Variants in FBLN2 observed in about 807,000 individuals in gnomAD.
FBLN2 encodes the protein fibulin-2.
A neutral mutation model predicts 123.7 loss-of-function variants in FBLN2; 81 were observed. The observed-to-expected ratio is 0.65, with a 90% CI of 0.55 to 0.79. The LOEUF is 0.79. Among genes scored for constraint, FBLN2 ranks in the 30% least tolerant of loss-of-function variants. FBLN2 has a pLI of 0.00. For missense variants in FBLN2, 1,603 were observed against 1,681.3 expected, an observed-to-expected ratio of 0.95 and a Z score of 0.81; for synonymous variants, 699 against 701.4, an observed-to-expected ratio of 1.00 and a Z score of 0.05.
chr3:13,605,227 C>G (rs138954040), intron 2 of FBLN2, among the ~76,000 whole-genome samples: 1 of 152,164 alleles, frequency 6.6e-6, no homozygotes, highest in African/African-American at 2.4e-5. Flanking sequence ...TTACACGTCT[C>G]ATTTCTTGGC....
In FBLN2 at chr3:13,630,814, A is replaced by G; in HGVS notation, c.3084A>G (p.Thr1028=). ...TGGCTGAGGATGGGCACACCTGCAC[A>G]GGTACCTCTCCCCTGTCCAAGGGCC... ...YQLAEDGHTC[T]DIDECAQGAG... is the part of the protein sequence containing the mutation. Residue 1028 remains threonine (T), a splice_region_variant and synonymous_variant, in exon 15 of 18, where the codon ACA becomes ACG. Coordinates refer to ENST00000404922, the MANE Select transcript of FBLN2 (RefSeq NM_001004019.2). The G allele has an allele frequency of 6.3e-7, 1 of 1,594,842 alleles. No individual in the cohort carries two copies.
intron 2 of FBLN2, among the ~76,000 whole-genome samples, chr3:13,574,871 CT>C (rs1038619903): frequency 3.9e-5 from 6 of 152,194 alleles, no homozygotes; most frequent in African/African-American, 1.4e-4. Context: ...ACCCGCTGGG[CT>C]TCCATCTCCC....
At chr3:13,631,741 A>G (rs1312596419) in intron 16 of FBLN2, among the ~76,000 whole-genome samples, 1 of 152,160 alleles carries the variant, frequency 6.6e-6, no homozygotes, top group Non-Finnish European at 1.5e-5. Context: ...GGGTGTTTCT[A>G]CGGAGGCACG....
intron 9 of FBLN2, among the ~76,000 whole-genome samples, chr3:13,624,649 G>C (rs1391807892): frequency 6.6e-6 from 1 of 152,208 alleles, no homozygotes; most frequent in Non-Finnish European, 1.5e-5. Context: ...CAGCTCGAAT[G>C]TCACCACTCC....
At chr3:13,631,542 C>T (rs1043371360) in intron 16 of FBLN2, 85 bp downstream of exon 16, 29 of 1,457,078 alleles carry the variant, frequency 2.0e-5, no homozygotes, top group African/African-American at 1.4e-4. Context: ...ACACAGCTTG[C>T]GTGCACTTGG....
Position 13,571,008 on chromosome 3 carries a change from C to CACCA in FBLN2, c.653_654insACCA (p.Gly219ProfsTer54), listed in dbSNP as rs1703926486. On this transcript the variant is annotated frameshift_variant, in exon 2 of 18. Transcript: ENST00000404922. LOFTEE classifies it high-confidence loss of function. ...ACAGCCCTGGGGGGTGAGGTCCAGGCGGGTGCAGTCCAGGCAGGCGCAGGG... is the reference window on the plus strand; with the variant it reads ...ACAGCCCTGGGGGGTGAGGTCCAGGCACCAGGGTGCAGTCCAGGCAGGCGCAGGG... 19 of 1,597,674 alleles carry CACCA rather than the reference C, an allele frequency of 1.2e-5. No individual in the cohort carries two copies. Among genetic ancestry groups the CACCA allele is most frequent in the Admixed American group, 1.7e-5 (1 of 57,266 alleles).
rs770778645 is a variant in FBLN2 at position 13,637,934 on chromosome 3, C to A, written c.*15C>A. 5.8e-6 allele frequency: 9 copies of A among 1,561,946 alleles called. No homozygotes were observed. The South Asian group carries it at 1.1e-4, about 19-fold the overall frequency. On this transcript the variant is annotated 3_prime_UTR_variant, in exon 18 of 18. Coordinates refer to ENST00000404922, the MANE Select transcript of FBLN2 (RefSeq NM_001004019.2). ...TTGCCCTGTGAGGTGCCAGCACGGG[C>A]CACCTGCGGGTGTGGCGCAGCCCAG...
chr3:13,628,791 A>C, intron 11 of FBLN2, 114 bp from the exon 12 acceptor site: 1 of 1,264,086 alleles, frequency 7.9e-7, no homozygotes, highest in Non-Finnish European at 1.1e-6. Flanking sequence ...TGCAACTCTG[A>C]CCAGGGCAGG....
intron 9 of FBLN2, among the ~76,000 whole-genome samples, chr3:13,625,051 C>G (rs910449197): frequency 2.0e-5 from 3 of 151,116 alleles, no homozygotes; most frequent in African/African-American, 7.3e-5. Flanking sequence ...TTGGTGGCCT[C>G]TGTGGCCCCG....
chr3:13,593,501 G>A (rs1437156205), intron 2 of FBLN2, among the ~76,000 whole-genome samples: 2 of 152,018 alleles, frequency 1.3e-5, no homozygotes, highest in East Asian at 3.8e-4. Flanking sequence ...GGATCACGAG[G>A]TCAGGAGTTC....
At position 13,621,769 on chromosome 3, in the gene FBLN2, C is replaced by T. The variant is rs373973993; in HGVS notation, c.2156-6C>T. On this transcript the variant is annotated splice_polypyrimidine_tract_variant and splice_region_variant and intron_variant, in intron 8 of 17. Transcript: ENST00000404922. The stretch of plus-strand genomic sequence containing the variant: ...CTTCTGTTTTTCCTCCTGCGGCTGC[C>T]ACTAGACCAAGACGAGTGCCTGATG... 1.2e-6 allele frequency: 2 copies of T among 1,613,796 alleles called. No homozygotes were observed. The highest frequency in any genetic ancestry group is 2.2e-5 in the East Asian group (1 of 44,876).
chr3:13,587,206 G>T (rs1379536662), intron 2 of FBLN2, among the ~76,000 whole-genome samples: 1 of 150,670 alleles, frequency 6.6e-6, no homozygotes, highest in African/African-American at 2.4e-5. Flanking sequence ...ATAGAGTAAG[G>T]ATATAAAGAA....
intron 15 of FBLN2, 144 bp from the exon 16 acceptor site, chr3:13,631,185 T>C: frequency 9.2e-7 from 1 of 1,089,672 alleles, no homozygotes; most frequent in Non-Finnish European, 1.3e-6. Context: ...CTTGGGCAAC[T>C]CTCTTCTACT....
chr3:13,629,964 C>G lies in FBLN2; in HGVS notation c.2968+19C>G, dbSNP rs1300635358. ...TGTGAAGGTAGGCTGGCCCTCATCT[C>G]TGACCCTATGCCGCCTGGTATCTGT... On this transcript the variant is annotated intron_variant, in intron 14 of 17. Transcript: ENST00000404922. 6.2e-7 allele frequency: 1 copy of G among 1,609,504 alleles called. No homozygotes were observed. Among genetic ancestry groups the G allele is most frequent in the South Asian group, 1.1e-5 (1 of 90,054 alleles).
chr3:13,598,661 C>A (rs1244680761), intron 2 of FBLN2, among the ~76,000 whole-genome samples: 1 of 152,216 alleles, frequency 6.6e-6, no homozygotes. Flanking sequence ...CACCAAGAGC[C>A]TGAAGTATTT....
intron 6 of FBLN2, 53 bp from the exon 7 acceptor site, chr3:13,618,851 G>C (rs1705730201): frequency 7.2e-7 from 1 of 1,394,238 alleles, no homozygotes; most frequent in African/African-American, 1.4e-5. Flanking sequence ...CCTGAGGCCT[G>C]GCTGAAGACC....
intron 3 of FBLN2, among the ~76,000 whole-genome samples, chr3:13,609,066 G>C (rs780217090): frequency 2.6e-5 from 4 of 152,306 alleles, no homozygotes; most frequent in African/African-American, 9.6e-5. Context: ...CCTGTCCCCC[G>C]TAATCCCCGC....
At chr3:13,598,339 T>C (rs1704914304) in intron 2 of FBLN2, among the ~76,000 whole-genome samples, 2 of 152,268 alleles carry the variant, frequency 1.3e-5, no homozygotes, top group South Asian at 4.1e-4. Flanking sequence ...AGCAAGGAAA[T>C]GGAGGCTCAG....
intron 1 of FBLN2, among the ~76,000 whole-genome samples, chr3:13,555,434 T>A (rs1015433124): frequency 5.3e-5 from 8 of 151,960 alleles, no homozygotes; most frequent in Non-Finnish European, 1.0e-4. Context: ...CCTGTTTTTT[T>A]TTTATTTATT....
Sources: allele counts gnomAD v4.1 joint callset (sites outside exome capture counted in the v4.1 genomes callset), GRCh38; gene constraint gnomAD v4.1.1; transcripts MANE v1.5; gene names NCBI Gene and HGNC (gene_info 2026-07-23, HGNC 2026-07-21).